The following CALHM3 variants were observed in gnomAD, a reference collection of about 807,000 sequenced individuals.
The protein encoded by CALHM3 is calcium homeostasis modulator protein 3.
Under a neutral mutation model 13.6 loss-of-function variants are expected in CALHM3, and 9 were observed. That is an observed-to-expected ratio of 0.66 (90% CI 0.40 to 1.15). The LOEUF (loss-of-function observed/expected upper bound fraction) is 1.15. Among genes scored for constraint, CALHM3 ranks in the 50% most tolerant of loss-of-function variants. The probability of loss-of-function intolerance (pLI) is 0.01; values close to 1 mark genes in which losing one functional copy is unlikely to be tolerated. For missense variants in CALHM3, 497 were observed against 463.4 expected (o/e 1.07, Z -0.67); for synonymous variants, 231 against 213.2 (o/e 1.08, Z -0.73).
In CALHM3 at chr10:103,473,281, C is replaced by T; in HGVS notation, c.967G>A (p.Gly323Ser). 1 of 1,463,886 alleles carries T rather than the reference C, an allele frequency of 6.8e-7. No individual in the cohort carries two copies. The highest frequency in any genetic ancestry group is 9.0e-7 in the Non-Finnish European group (1 of 1,105,040). The allele number at this position is 1,463,886 out of a possible 1,614,324, so 90.7% of individuals were successfully genotyped here. Reference protein sequence around the residue: ...DLAASPGLCGGGLSHRAPTLA... With the variant: ...DLAASPGLCGSGLSHRAPTLA... ...GTAGGGGCGCGGTGGCTAAGGCCAC[C>T]CCCGCAGAGCCCGGGGGATGCAGCC... The change falls in exon 3 of 3, where the codon GGT becomes AGT. Residue 323 changes from glycine to serine, a missense_variant. Physicochemically the swap from Gly to Ser is moderately conservative, Grantham distance 56 (BLOSUM62 0). Coordinates refer to ENST00000369783, the MANE Select transcript of CALHM3 (RefSeq NM_001129742.2).
chr10:103,478,946 G>T lies in CALHM3; in HGVS notation c.87C>A (p.Val29=). ...CAAAGGAGGAGTACAGCTTGACGGT[G>T]ACCGCAGCCAGCAGCAGGCAGATGC... ...MNGICLLLAA[V]TVKLYSSFDF... is the part of the protein sequence containing the mutation. The change falls in exon 1 of 3, where the codon GTC becomes GTA. Residue 29 remains valine (V), a synonymous_variant. Transcript: ENST00000369783. 6.4e-7 allele frequency: 1 copy of T among 1,551,728 alleles called. No homozygotes were observed. The highest frequency in any genetic ancestry group is 1.2e-5 in the South Asian group (1 of 84,054).
At chr10:103,476,149 A>G (rs1003569328) in intron 2 of CALHM3, 145 bp downstream of exon 2, 8 of 1,070,092 alleles carry the variant, frequency 7.5e-6, no homozygotes, top group African/African-American at 3.1e-5. Context: ...GGCAAGGCAG[A>G]GCAGTGGTCT....
intron 1 of CALHM3, among the ~76,000 whole-genome samples, chr10:103,476,981 G>C (rs2133832680): frequency 6.6e-6 from 1 of 152,334 alleles, no homozygotes; most frequent in East Asian, 1.9e-4. Flanking sequence ...ACCCCAGAGG[G>C]ATGGGGCCTT....
chr10:103,476,616 G>C, intron 1 of CALHM3, 67 bp from the exon 2 acceptor site: 2 of 1,524,752 alleles, frequency 1.3e-6, no homozygotes, highest in Non-Finnish European at 1.8e-6. Context: ...GGAGGTGCAA[G>C]GATGGACTGC....
rs1277206580 is a variant in CALHM3 at position 103,476,304 on chromosome 10, C to A, written c.533G>T (p.Cys178Phe). ...ARKAVSRYLR[C>F]LSQAIGWSVT... ...GATCACCCCAGTTACCTGTGACAGG[C>A]ACCGCAGGTAGCGAGACACTGCCTT... Residue 178 changes from cysteine (C) to phenylalanine (F), a missense_variant, in exon 2 of 3, where the codon TGC becomes TTC. Cys to Phe is a radical substitution (Grantham distance 205). Coordinates refer to ENST00000369783, the MANE Select transcript of CALHM3 (RefSeq NM_001129742.2). 6.4e-7 allele frequency: 1 copy of A among 1,551,396 alleles called. No homozygotes were observed.
rs1022521957 is a variant in CALHM3, at chr10:103,473,589, A to G, written c.659T>C (p.Val220Ala). Residue 220 changes from valine to alanine, a missense_variant, in exon 3 of 3, where the codon GTG becomes GCG. Coordinates refer to ENST00000369783, the MANE Select transcript of CALHM3 (RefSeq NM_001129742.2). ...GTCGAAGAGCTTCTGCTCCAGGTCCACGTAGTTGCTCCAGTATCTGCGCTG... is the reference window on the plus strand; with the variant it reads ...GTCGAAGAGCTTCTGCTCCAGGTCCGCGTAGTTGCTCCAGTATCTGCGCTG... ...FLQRRYWSNY[V>A]DLEQKLFDET... The G allele has an allele frequency of 6.4e-7, 1 of 1,551,340 alleles. No individual in the cohort carries two copies. The highest frequency in any genetic ancestry group is 1.4e-5 in the African/African-American group (1 of 73,170).
chr10:103,476,244 GC>G (rs2033386103), intron 2 of CALHM3, 49 bp downstream of exon 2: 1 of 1,546,328 alleles, frequency 6.5e-7, no homozygotes, highest in African/African-American at 1.4e-5. Context: ...CAGAACCAAT[GC>G]GGGGGATTTG....
rs765740757 is a variant in CALHM3, at chr10:103,473,660, G to C, written c.588C>G (p.Phe196Leu). 9.7e-6 allele frequency: 15 copies of C among 1,550,708 alleles called. No individual in the cohort carries two copies. The highest frequency in any genetic ancestry group is 1.2e-5 in the Non-Finnish European group (14 of 1,146,950). ...AGCAGGGCCTCAGGCAGCGGGCCAG[G>C]AAGGCCGCGATGATCAGCAGCAGGG... is the stretch of plus-strand genomic sequence containing the variant. ...SVTLLLIIAA[F>L]LARCLRPCFD... The change falls in exon 3 of 3, where the codon TTC becomes TTG. Residue 196 changes from phenylalanine (F) to leucine (L), a missense_variant. By Grantham distance (22) the Phe-to-Leu change is conservative. Transcript: ENST00000369783.
intron 1 of CALHM3, 37 bp downstream of exon 1, chr10:103,478,709 C>A (rs1361251151): frequency 1.4e-6 from 2 of 1,471,396 alleles, no homozygotes; most frequent in African/African-American, 1.4e-5. Flanking sequence ...GAGCCCCTGG[C>A]AAAGCTCATG....
At position 103,473,087 on chromosome 10, in the gene CALHM3, T is replaced by C; in HGVS notation, c.*126A>G. The C allele has an allele frequency of 9.3e-7, 1 of 1,069,538 alleles. No individual in the cohort carries two copies. Among genetic ancestry groups the C allele is most frequent in the Non-Finnish European group, 1.2e-6 (1 of 831,672 alleles). 66.3% of individuals were successfully genotyped at this position (1,069,538 alleles called of 1,614,324 possible). A position where few individuals can be genotyped will look rare whatever the true frequency, so the allele number is the denominator to read the frequency against. On this transcript the variant is annotated 3_prime_UTR_variant, in exon 3 of 3. Transcript: ENST00000369783. Reference sequence around the variant, plus strand: ...GAAACTAGGCAGAGATTGGGCTACTTTAAAAAGGAGGCTAACAAGACTTAG... The same window carrying C: ...GAAACTAGGCAGAGATTGGGCTACTCTAAAAAGGAGGCTAACAAGACTTAG...
chr10:103,475,504 A>G (rs1214566284), intron 2 of CALHM3, among the ~76,000 whole-genome samples: 1 of 152,226 alleles, frequency 6.6e-6, no homozygotes, highest in East Asian at 1.9e-4. Flanking sequence ...GATGGAGGAG[A>G]CCAAGCTCCC....
Position 103,478,853 on chromosome 10 carries a change from C to T in CALHM3, c.180G>A (p.Pro60=), listed in dbSNP as rs376076019. 8.3e-4 allele frequency: 1,291 copies of T among 1,551,528 alleles called. 2 individuals are homozygous for T. Among genetic ancestry groups the T allele is most frequent in the Non-Finnish European group, 1.0e-3 (1,182 of 1,147,002 alleles). The change falls in exon 1 of 3, where the codon CCG becomes CCA. Residue 60 remains proline (P), a synonymous_variant. Transcript: ENST00000369783. ...LYGLGLLLTP[P]LALFLCGLLA... is the part of the protein sequence containing the mutation. ...GGAGGCCGCAGAGAAACAGGGCGAG[C>T]GGGGGCGTCAGCAGCAGGCCCAGGC...
intron 1 of CALHM3, among the ~76,000 whole-genome samples, chr10:103,478,196 A>G (rs2033412214): frequency 6.6e-6 from 1 of 152,236 alleles, no homozygotes; most frequent in African/African-American, 2.4e-5. Flanking sequence ...CACTCCGTCT[A>G]TAACATCAGT....
At chr10:103,477,197 C>T (rs1446837065) in intron 1 of CALHM3, among the ~76,000 whole-genome samples, 3 of 152,196 alleles carry the variant, frequency 2.0e-5, no homozygotes, top group Non-Finnish European at 4.4e-5. Flanking sequence ...AACACCCCTA[C>T]CCACAAGGCA....
chr10:103,476,261 GT>G (rs1394392662), intron 2 of CALHM3, 32 bp downstream of exon 2: 6 of 1,548,588 alleles, frequency 3.9e-6, no homozygotes, highest in Non-Finnish European at 5.2e-6. Context: ...ATTTGTGAGG[GT>G]GCAAGGGCCG....
chr10:103,473,745 C>G, intron 2 of CALHM3, 41 bp from the exon 3 acceptor site: 1 of 1,504,344 alleles, frequency 6.6e-7, no homozygotes, highest in Non-Finnish European at 8.9e-7. Context: ...TGAGTGGGGC[C>G]TAATCCTATA....
intron 1 of CALHM3, 92 bp downstream of exon 1, chr10:103,478,654 T>C: frequency 5.5e-6 from 7 of 1,279,688 alleles, no homozygotes; most frequent in East Asian, 2.6e-5. Flanking sequence ...ATGAGAATGG[T>C]TGGGGTCTGG....
In CALHM3 at chr10:103,473,481, G is replaced by A; in HGVS notation, c.767C>T (p.Ala256Val). ...FFASMRSELQARGLRRGNAGR... is the reference protein window; with the variant it reads ...FFASMRSELQVRGLRRGNAGR... ...TGCATTGCCCCGGCGCAGCCCCCGC[G>A]CCTGCAGCTCACTCCGCATGCTGGC... The change falls in exon 3 of 3, where the codon GCG (alanine) becomes GTG (valine). Residue 256 changes from alanine (A) to valine (V), a missense_variant. Transcript: ENST00000369783. 1 of 1,549,448 alleles carries A rather than the reference G, an allele frequency of 6.5e-7. No homozygotes were observed. Among genetic ancestry groups the A allele is most frequent in the Non-Finnish European group, 8.7e-7 (1 of 1,145,920 alleles).
intron 1 of CALHM3, among the ~76,000 whole-genome samples, chr10:103,477,281 G>A (rs534436803): frequency 6.4e-4 from 98 of 152,108 alleles, no homozygotes; most frequent in Non-Finnish European, 1.3e-3. Context: ...TAGTGACCTC[G>A]ACTGGGTATT....
Sources: allele counts gnomAD v4.1 joint callset (sites outside exome capture counted in the v4.1 genomes callset), GRCh38; gene constraint gnomAD v4.1.1; transcripts MANE v1.5; gene names NCBI Gene and HGNC (gene_info 2026-07-23, HGNC 2026-07-21).